The following NFIA variants were observed in gnomAD, a reference collection of about 807,000 sequenced individuals.
NFIA encodes nuclear factor I A, also known as nuclear factor 1 A-type.
Under a neutral mutation model 62.8 loss-of-function variants are expected in NFIA, and 8 were observed. The ratio of observed to expected loss-of-function variants is 0.13; its 90% confidence interval spans 0.07 to 0.23. The LOEUF (loss-of-function observed/expected upper bound fraction) is 0.23. NFIA is among the 10% of genes least tolerant of loss of function. The pLI, the probability that NFIA is intolerant of heterozygous loss-of-function variation, is 1.00. For synonymous variants in NFIA, 235 were observed against 238.1 expected, an observed-to-expected ratio of 0.99 and a Z score of 0.12; for missense variants, 410 against 642.1, an observed-to-expected ratio of 0.64 and a Z score of 3.91.
intron 2 of NFIA, among the ~76,000 whole-genome samples, chr1:61,222,904 T>A (rs187697045): frequency 2.0e-5 from 3 of 152,178 alleles, no homozygotes; most frequent in Non-Finnish European, 2.9e-5. Flanking sequence ...TGAAACAGAT[T>A]TCTGAGGCTA....
chr1:61,421,220 T>A (rs1006610388), intron 9 of NFIA, among the ~76,000 whole-genome samples: 9 of 152,176 alleles, frequency 5.9e-5, no homozygotes, highest in Admixed American at 5.9e-4. Flanking sequence ...GTTTCCATCC[T>A]CTGTACTTAT....
chr1:61,228,898 T>G (rs1443302679), intron 2 of NFIA, among the ~76,000 whole-genome samples: 1 of 152,164 alleles, frequency 6.6e-6, no homozygotes, highest in Non-Finnish European at 1.5e-5. Flanking sequence ...TGAAAACATT[T>G]GAGTGCAACA....
chr1:61,299,187 G>C (rs930143591), intron 3 of NFIA, among the ~76,000 whole-genome samples: 5 of 152,104 alleles, frequency 3.3e-5, no homozygotes, highest in African/African-American at 1.2e-4. Flanking sequence ...TTCCCATCCG[G>C]TATCAAGAGG....
intron 10 of NFIA, among the ~76,000 whole-genome samples, chr1:61,453,386 G>A (rs1402978258): frequency 6.6e-6 from 1 of 150,790 alleles, no homozygotes; most frequent in African/African-American, 2.4e-5. Flanking sequence ...TTACAGAGCT[G>A]CTCTGGGGTA....
chr1:61,176,511 A>AT (rs1405668903), intron 2 of NFIA, among the ~76,000 whole-genome samples: 1 of 151,928 alleles, frequency 6.6e-6, no homozygotes, highest in African/African-American at 2.4e-5. Context: ...GGCTGAGTGG[A>AT]TTTTCTCCCC....
chr1:61,452,482 T>G (rs1284681394), intron 10 of NFIA, among the ~76,000 whole-genome samples: 1 of 151,982 alleles, frequency 6.6e-6, no homozygotes, highest in East Asian at 1.9e-4. Context: ...TAAGAATAGG[T>G]TTTGGTTTGG....
chr1:61,297,262 G>A (rs1659237609), intron 3 of NFIA, among the ~76,000 whole-genome samples: 1 of 152,186 alleles, frequency 6.6e-6, no homozygotes, highest in African/African-American at 2.4e-5. Flanking sequence ...CATTAAAGGT[G>A]TGTGTAAATG....
At chr1:61,429,448 G>A (rs1336449330) in intron 10 of NFIA, among the ~76,000 whole-genome samples, 2 of 152,192 alleles carry the variant, frequency 1.3e-5, no homozygotes, top group Admixed American at 1.3e-4. Context: ...TGCCTTATGA[G>A]CTGGTGAGCT....
intron 6 of NFIA, among the ~76,000 whole-genome samples, chr1:61,366,659 A>G (rs1328363116): frequency 6.6e-6 from 1 of 152,238 alleles, no homozygotes; most frequent in East Asian, 1.9e-4. Context: ...ACAATGGCTC[A>G]CACCTGTAAT....
intron 3 of NFIA, among the ~76,000 whole-genome samples, chr1:61,294,251 C>T (rs557285656): frequency 6.6e-6 from 1 of 152,302 alleles, no homozygotes; most frequent in African/African-American, 2.4e-5. Flanking sequence ...CTCATTCAAC[C>T]AATATTTATT....
intron 2 of NFIA, among the ~76,000 whole-genome samples, chr1:61,212,424 C>T (rs1455470440): frequency 6.6e-6 from 1 of 152,110 alleles, no homozygotes; most frequent in African/African-American, 2.4e-5. Context: ...GGTCTGTGAG[C>T]CATGAATTGT....
intron 3 of NFIA, among the ~76,000 whole-genome samples, chr1:61,306,872 T>C (rs1659833676): frequency 6.6e-6 from 1 of 152,222 alleles, no homozygotes; most frequent in South Asian, 2.1e-4. Context: ...ACTCTTATGC[T>C]GTAAGAAGAG....
At chr1:61,379,416 T>C (rs961314936) in intron 6 of NFIA, among the ~76,000 whole-genome samples, 3 of 145,636 alleles carry the variant, frequency 2.1e-5, no homozygotes, top group Non-Finnish European at 3.0e-5. Flanking sequence ...TTTTTTTTTT[T>C]TTTTTTTTTT....
chr1:61,421,999 C>T (rs765534152), intron 9 of NFIA, among the ~76,000 whole-genome samples: 16 of 152,118 alleles, frequency 1.1e-4, no homozygotes, highest in Non-Finnish European at 2.2e-4. Flanking sequence ...TGGTGGCTCA[C>T]GCCTGTAATC....
At chr1:61,099,698 G>A (rs755121382) in intron 2 of NFIA, among the ~76,000 whole-genome samples, 1 of 152,162 alleles carries the variant, frequency 6.6e-6, no homozygotes, top group Non-Finnish European at 1.5e-5. Context: ...CGTTCAGAGA[G>A]CATCTCACTT....
intron 2 of NFIA, among the ~76,000 whole-genome samples, chr1:61,197,517 G>A (rs920233930): frequency 2.2e-4 from 33 of 151,422 alleles, no homozygotes; most frequent in Non-Finnish European, 3.2e-4. Context: ...GATTACAAGC[G>A]TGAGCCACCG....
rs1668520640 is a variant in NFIA at position 61,461,274 on chromosome 1, T to G, written c.*5954T>G. ...TGTCTTCACACCAGACCTCCTCATA[T>G]TAAAAGGAAAAATAAGAAAAAAAAT... is the stretch of plus-strand genomic sequence containing the variant. On this transcript the variant is annotated 3_prime_UTR_variant, in exon 11 of 11. Transcript: ENST00000403491. 6.6e-6 allele frequency: 1 copy of G among 152,116 alleles called. No individual in the cohort carries two copies. The highest frequency in any genetic ancestry group is 1.5e-5 in the Non-Finnish European group (1 of 68,022). The allele number at this position is 152,116 out of a possible 1,614,324, so 9.4% of individuals were successfully genotyped here.
At chr1:61,147,082 T>A (rs1648064867) in intron 2 of NFIA, among the ~76,000 whole-genome samples, 1 of 152,182 alleles carries the variant, frequency 6.6e-6, no homozygotes, top group African/African-American at 2.4e-5. Context: ...TTGCTGTTAA[T>A]CTACCATAAA....
chr1:61,404,574 C>T (rs781325003), intron 8 of NFIA, among the ~76,000 whole-genome samples: 1 of 152,140 alleles, frequency 6.6e-6, no homozygotes, highest in Non-Finnish European at 1.5e-5. Flanking sequence ...CATTCCACCT[C>T]GTGCATTCTA....
Sources: gnomAD v4.1 joint callset for allele counts (sites outside exome capture counted in the v4.1 genomes callset) on GRCh38, gnomAD v4.1.1 for gene constraint, MANE v1.5 for transcripts, NCBI Gene and HGNC (gene_info 2026-07-23, HGNC 2026-07-21) for gene names.